The following MANSC1 variants were observed in gnomAD, a reference collection of about 807,000 sequenced individuals.
MANSC1 encodes MANSC domain containing 1, also known as MANSC domain-containing protein 1.
A neutral mutation model predicts 14.1 loss-of-function variants in MANSC1; 13 were observed. The observed-to-expected ratio is 0.92, with a 90% CI of 0.60 to 1.46. The LOEUF (loss-of-function observed/expected upper bound fraction) is 1.46, where lower values mean the gene tolerates loss of function less well. Among genes scored for constraint, MANSC1 ranks in the 40% most tolerant of loss-of-function variants. MANSC1 has a pLI of 0.00. For synonymous variants in MANSC1, 227 were observed against 200.7 expected (o/e 1.13, Z -1.11); for missense variants, 486 against 511.4 (o/e 0.95, Z 0.48).
rs1308002575 is a variant in MANSC1, at chr12:12,329,194, C to T, written c.*833G>A. The stretch of plus-strand genomic sequence containing the variant: ...TAACGTGGAACGCATATTTTCACCA[C>T]ATAATCATTTTGCTAGTGGAAATAA... On this transcript the variant is annotated 3_prime_UTR_variant, in exon 4 of 4. Coordinates refer to ENST00000535902, the MANE Select transcript of MANSC1 (RefSeq NM_018050.4). The T allele has an allele frequency of 2.0e-5, 3 of 152,188 alleles. No individual in the cohort carries two copies. Among genetic ancestry groups the T allele is most frequent in the Admixed American group, 2.0e-4 (3 of 15,280 alleles). 9.4% of individuals were successfully genotyped at this position (152,188 alleles called of 1,614,324 possible).
chr12:12,344,944 TA>T (rs1862989689), intron 1 of MANSC1, among the ~76,000 whole-genome samples: 1 of 97,008 alleles, frequency 1.0e-5, no homozygotes, highest in African/African-American at 3.8e-5. Context: ...TATATATATA[TA>T]TATATATATA....
chr12:12,344,468 C>G (rs1051717777), intron 1 of MANSC1, among the ~76,000 whole-genome samples: 3 of 149,936 alleles, frequency 2.0e-5, no homozygotes, highest in Non-Finnish European at 4.5e-5. Flanking sequence ...GGCCTCCCAG[C>G]CTATATCTTT....
In MANSC1 at chr12:12,330,891, G is replaced by C; in HGVS notation, c.432C>G (p.Gly144=). The C allele has an allele frequency of 3.7e-6, 6 of 1,613,474 alleles. No homozygotes were observed. Among genetic ancestry groups the C allele is most frequent in the Non-Finnish European group, 5.1e-6 (6 of 1,179,742 alleles). Residue 144 remains glycine, a synonymous_variant, in exon 4 of 4, where the codon GGC becomes GGG. Transcript: ENST00000535902. ...ELPQEDSLLH[G]QFSQAVTPLA... ...GGGGAGTGACTGCTTGTGAAAATTG[G>C]CCATGTAAGAGAGAATCTTCCTGGG...
rs566265307 is a variant in MANSC1 at position 12,335,911 on chromosome 12, G to A, written c.364+2509C>T. Among the ~76,000 whole-genome samples, 7 of 151,904 alleles carry A rather than the reference G, an allele frequency of 4.6e-5. No individual in the cohort carries two copies. The East Asian group carries it at 7.8e-4, about 17-fold the overall frequency. On this transcript the variant is annotated intron_variant, in intron 3 of 3. Coordinates refer to ENST00000535902, the MANE Select transcript of MANSC1 (RefSeq NM_018050.4). Reference sequence around the variant, plus strand: ...CACCTAAAAACTCCCGGCCGGGCACGGAGGCTCATGCCTGTAATCCCAGCA... The same window carrying A: ...CACCTAAAAACTCCCGGCCGGGCACAGAGGCTCATGCCTGTAATCCCAGCA...
intron 1 of MANSC1, among the ~76,000 whole-genome samples, chr12:12,346,913 C>T (rs141765551): frequency 8.0e-5 from 12 of 150,376 alleles, no homozygotes; most frequent in South Asian, 6.3e-4. Flanking sequence ...CAAAAGATAC[C>T]GTTAAAGAGA....
At chr12:12,339,694 T>C (rs1241820021) in intron 2 of MANSC1, among the ~76,000 whole-genome samples, 1 of 152,220 alleles carries the variant, frequency 6.6e-6, no homozygotes, top group Non-Finnish European at 1.5e-5. Flanking sequence ...GTCTATCTTT[T>C]AATTTTTATC....
intron 3 of MANSC1, among the ~76,000 whole-genome samples, chr12:12,333,706 CA>C (rs1862822215): frequency 6.6e-6 from 1 of 152,214 alleles, no homozygotes; most frequent in Non-Finnish European, 1.5e-5. Context: ...GTTTTATTTT[CA>C]AACGACTTCA....
intron 3 of MANSC1, among the ~76,000 whole-genome samples, chr12:12,334,548 A>G (rs967963558): frequency 1.5e-4 from 23 of 152,134 alleles, no homozygotes; most frequent in African/African-American, 5.6e-4. Flanking sequence ...CTAGGTGTCC[A>G]TCAACCTGCT....
chr12:12,333,135 C>A (rs1392742897), intron 3 of MANSC1, among the ~76,000 whole-genome samples: 1 of 152,078 alleles, frequency 6.6e-6, no homozygotes, highest in African/African-American at 2.4e-5. Context: ...CAGCCTCAAC[C>A]TCCTGGGTTC....
chr12:12,329,949 A>C lies in MANSC1; in HGVS notation c.*78T>G. ...GTCTTCAAAATACAACCTCCTGCTA[A>C]GACTAGCAAGTCAGCAGAAACTCAT... is the stretch of plus-strand genomic sequence containing the variant. On this transcript the variant is annotated 3_prime_UTR_variant, in exon 4 of 4. Transcript: ENST00000535902. 8.1e-7 allele frequency: 1 copy of C among 1,237,322 alleles called. No individual in the cohort carries two copies. The highest frequency in any genetic ancestry group is 1.1e-6 in the Non-Finnish European group (1 of 885,506). The allele number at this position is 1,237,322 out of a possible 1,614,324, so 76.6% of individuals were successfully genotyped here.
intron 3 of MANSC1, among the ~76,000 whole-genome samples, chr12:12,333,770 A>G (rs1036238149): frequency 2.6e-5 from 4 of 152,244 alleles, no homozygotes; most frequent in Admixed American, 6.5e-5. Context: ...CTGAGCAAAC[A>G]GACTCCCAAT....
intron 1 of MANSC1, among the ~76,000 whole-genome samples, chr12:12,346,607 A>G (rs1863013046): frequency 6.6e-6 from 1 of 152,244 alleles, no homozygotes; most frequent in Non-Finnish European, 1.5e-5. Context: ...AGGGGATTCA[A>G]TGGAGAAAGG....
intron 3 of MANSC1, among the ~76,000 whole-genome samples, chr12:12,331,306 A>G (rs2135988043): frequency 6.6e-6 from 1 of 152,362 alleles, no homozygotes; most frequent in East Asian, 1.9e-4. Context: ...GTTTATTTCT[A>G]GCATGATAGG....
chr12:12,349,244 C>G (rs974552989), intron 1 of MANSC1, among the ~76,000 whole-genome samples: 4 of 152,146 alleles, frequency 2.6e-5, no homozygotes, highest in Non-Finnish European at 5.9e-5. Context: ...ATAATTCTGG[C>G]CAAGGTACTT....
intron 3 of MANSC1, among the ~76,000 whole-genome samples, chr12:12,335,339 C>CTTTTTTTTT (rs60014261): frequency 1.4e-5 from 2 of 147,794 alleles, no homozygotes; most frequent in Non-Finnish European, 1.5e-5. Flanking sequence ...GAGAAATCAC[C>CTTTTTTTTT]TTTTTTTTTT....
In MANSC1 at chr12:12,343,095, A is replaced by G. The variant is rs1317193610; in HGVS notation, c.220T>C (p.Ser74Pro). ...TTGCCAAGAAACCACTATTTACCTG[A>G]TATGTTTTTTGTTGAACAGCAAGAA... ...INSCCSTKNI[S>P]GDKACNLMIF... Residue 74 changes from serine (S) to proline (P), a missense_variant, in exon 2 of 4, where the codon TCA becomes CCA. Transcript: ENST00000535902. 2 of 1,609,658 alleles carry G rather than the reference A, an allele frequency of 1.2e-6. No individual in the cohort carries two copies. Among genetic ancestry groups the G allele is most frequent in the Non-Finnish European group, 1.7e-6 (2 of 1,176,058 alleles).
chr12:12,341,933 A>G (rs574259044), intron 2 of MANSC1, among the ~76,000 whole-genome samples: 1 of 152,178 alleles, frequency 6.6e-6, no homozygotes, highest in Non-Finnish European at 1.5e-5. Flanking sequence ...CAGAGAATGC[A>G]GTGAGCCAAG....
In MANSC1 at chr12:12,326,170, A is replaced by G. The variant is rs564008568; in HGVS notation, c.*3857T>C. The G allele has an allele frequency of 6.6e-6, 1 of 152,284 alleles. No homozygotes were observed. The highest frequency in any genetic ancestry group is 6.5e-5 in the Admixed American group (1 of 15,286). The allele number at this position is 152,284 out of a possible 1,614,324, so 9.4% of individuals were successfully genotyped here. A position where few individuals can be genotyped will look rare whatever the true frequency, so the allele number is the denominator to read the frequency against. ...ATCCCGGAGACTGGACTCTTCCTGTACCCACTGCCACGCTCAGTGTGGCAG... is the reference window on the plus strand; with the variant it reads ...ATCCCGGAGACTGGACTCTTCCTGTGCCCACTGCCACGCTCAGTGTGGCAG... On this transcript the variant is annotated 3_prime_UTR_variant, in exon 4 of 4. Coordinates refer to ENST00000535902, the MANE Select transcript of MANSC1 (RefSeq NM_018050.4).
intron 3 of MANSC1, among the ~76,000 whole-genome samples, chr12:12,332,766 C>G (rs2135989017): frequency 6.6e-6 from 1 of 152,264 alleles, no homozygotes; most frequent in African/African-American, 2.4e-5. Flanking sequence ...GGTGATCCAC[C>G]CCCTTCGGTC....
Sources: gnomAD v4.1 joint callset for allele counts (sites outside exome capture counted in the v4.1 genomes callset) on GRCh38, gnomAD v4.1.1 for gene constraint, MANE v1.5 for transcripts, NCBI Gene and HGNC (gene_info 2026-07-23, HGNC 2026-07-21) for gene names.